PEAK1: variants seen among roughly 807,000 people sequenced by gnomAD.
PEAK1 encodes inactive tyrosine-protein kinase PEAK1.
PEAK1 carries 54 observed loss-of-function variants against 124.7 expected under a neutral mutation model. The ratio of observed to expected loss-of-function variants is 0.43; its 90% CI spans 0.35 to 0.54. PEAK1 has a LOEUF of 0.54. Among genes scored for constraint, PEAK1 ranks in the 20% least tolerant of loss-of-function variants. The pLI is 0.01. For synonymous variants in PEAK1, 719 were observed against 760.0 expected (o/e 0.95, Z 0.89); for missense variants, 2,046 against 2,134.5 (o/e 0.96, Z 0.82).
Position 77,108,899 on chromosome 15 carries a change from G to A in PEAK1, c.*5257C>T, listed in dbSNP as rs1462702943. On this transcript the variant is annotated 3_prime_UTR_variant, in exon 10 of 10. Transcript: ENST00000682557. Reference sequence around the variant, plus strand: ...TTTCTGGAGTGGGAAACATGTAATGGGATGTTGGGAATGCAGGCCCTTGCA... The same window carrying A: ...TTTCTGGAGTGGGAAACATGTAATGAGATGTTGGGAATGCAGGCCCTTGCA... 1 of 152,108 alleles carries A rather than the reference G, an allele frequency of 6.6e-6. No individual in the cohort carries two copies. Among genetic ancestry groups the A allele is most frequent in the African/African-American group, 2.4e-5 (1 of 41,402 alleles). 9.4% of individuals were successfully genotyped at this position (152,108 alleles called of 1,614,324 possible).
At chr15:77,186,583 C>A (rs2057560632) in intron 6 of PEAK1, among the ~76,000 whole-genome samples, 1 of 152,010 alleles carries the variant, frequency 6.6e-6, no homozygotes, top group Non-Finnish European at 1.5e-5. Context: ...TGTAACAAAC[C>A]TGCACATTGT....
At chr15:77,118,298 G>T (rs908476966) in intron 9 of PEAK1, among the ~76,000 whole-genome samples, 3 of 152,058 alleles carry the variant, frequency 2.0e-5, no homozygotes, top group African/African-American at 7.2e-5. Flanking sequence ...ATAGGATTTT[G>T]CTTGATGGGT....
Position 77,333,894 on chromosome 15 carries a change from C to T in PEAK1, c.-603+31269G>A, listed in dbSNP as rs981481459. ...ATTTTCTTTTAAACTTATTCTACAA[C>T]AATTTCAGACCAATTTTGTTAAATT... On this transcript the variant is annotated intron_variant, in intron 2 of 9. Coordinates refer to ENST00000682557, the MANE Select transcript of PEAK1 (RefSeq NM_001385026.1). The T allele has an allele frequency of 6.8e-6, 3 of 439,136 alleles. No individual in the cohort carries two copies. The South Asian group carries it at 2.9e-4, about 43-fold the overall frequency. The allele number at this position is 439,136 out of a possible 1,614,324, so 27.2% of individuals were successfully genotyped here.
At chr15:77,373,823 C>G (rs1392991303) in intron 1 of PEAK1, among the ~76,000 whole-genome samples, 1 of 152,200 alleles carries the variant, frequency 6.6e-6, no homozygotes, top group Non-Finnish European at 1.5e-5. Context: ...TAAATGAAGA[C>G]ATACCAGGTC....
At chr15:77,293,839 T>C (rs1210691042) in intron 2 of PEAK1, among the ~76,000 whole-genome samples, 2 of 152,204 alleles carry the variant, frequency 1.3e-5, no homozygotes, top group Non-Finnish European at 2.9e-5. Context: ...CTCTGATTTA[T>C]GTATGACTTT....
chr15:77,288,844 G>C (rs2063061817), intron 2 of PEAK1, among the ~76,000 whole-genome samples: 1 of 151,612 alleles, frequency 6.6e-6, no homozygotes, highest in South Asian at 2.1e-4. Flanking sequence ...CAGGAGAATG[G>C]CGTGAAACCA....
At chr15:77,257,660 T>C (rs1310607233) in intron 5 of PEAK1, among the ~76,000 whole-genome samples, 2 of 151,910 alleles carry the variant, frequency 1.3e-5, no homozygotes, top group Non-Finnish European at 2.9e-5. Flanking sequence ...GCAAAAATTC[T>C]CTCCCATTTT....
intron 2 of PEAK1, among the ~76,000 whole-genome samples, chr15:77,288,919 C>T (rs1051502751): frequency 7.5e-6 from 1 of 132,524 alleles, no homozygotes; most frequent in South Asian, 2.4e-4. Context: ...CAAAGCAAGA[C>T]TCCGTCTCAA....
At position 77,207,052 on chromosome 15, in the gene PEAK1, G is replaced by A. The variant is rs541899036; in HGVS notation, c.-114-25012C>T. 9.3e-4 allele frequency among the ~76,000 whole-genome samples: 142 copies of A among 152,208 alleles called. No individual in the cohort carries two copies. In the Middle Eastern group the frequency reaches 0.027, roughly 29 times the overall value. ...TTTAATAAATGGTGCTGGGAAAACT[G>A]GCTAGCCATAGGTAGAAAGCTGAAA... On this transcript the variant is annotated intron_variant, in intron 6 of 9. Coordinates refer to ENST00000682557, the MANE Select transcript of PEAK1 (RefSeq NM_001385026.1).
At chr15:77,185,487 G>C (rs889916179) in intron 6 of PEAK1, among the ~76,000 whole-genome samples, 3 of 152,212 alleles carry the variant, frequency 2.0e-5, no homozygotes, top group Non-Finnish European at 2.9e-5. Flanking sequence ...GAAGGAGAAA[G>C]ACAATAACTA....
At chr15:77,196,666 T>C (rs1052891716) in intron 6 of PEAK1, among the ~76,000 whole-genome samples, 2 of 152,152 alleles carry the variant, frequency 1.3e-5, no homozygotes, top group East Asian at 3.9e-4. Context: ...TGTTAGTGTT[T>C]TCCCCCAGAT....
At chr15:77,249,970 CA>C (rs1229948868) in intron 6 of PEAK1, among the ~76,000 whole-genome samples, 1 of 150,998 alleles carries the variant, frequency 6.6e-6, no homozygotes, top group Non-Finnish European at 1.5e-5. Flanking sequence ...CTTTCTTCAA[CA>C]AAAAAAATTT....
At chr15:77,318,394 C>T (rs1031694071) in intron 2 of PEAK1, among the ~76,000 whole-genome samples, 6 of 152,186 alleles carry the variant, frequency 3.9e-5, no homozygotes, top group Admixed American at 6.5e-5. Flanking sequence ...GGATAAATGA[C>T]ACAAAAACCT....
Position 77,111,599 on chromosome 15 carries a change from A to T in PEAK1, c.*2557T>A, listed in dbSNP as rs1006891872. 1.3e-5 allele frequency: 2 copies of T among 152,196 alleles called. No individual in the cohort carries two copies. Among genetic ancestry groups the T allele is most frequent in the African/African-American group, 4.8e-5 (2 of 41,462 alleles). The allele number at this position is 152,196 out of a possible 1,614,324, so 9.4% of individuals were successfully genotyped here. On this transcript the variant is annotated 3_prime_UTR_variant, in exon 10 of 10. Coordinates refer to ENST00000682557, the MANE Select transcript of PEAK1 (RefSeq NM_001385026.1). The stretch of plus-strand genomic sequence containing the variant: ...CAAATCTGAATATAAAAACAGTACT[A>T]AAAACATCTGATATGAAGAGGTGCT...
chr15:77,300,334 T>G (rs1344406533), intron 2 of PEAK1, among the ~76,000 whole-genome samples: 1 of 152,266 alleles, frequency 6.6e-6, no homozygotes, highest in South Asian at 2.1e-4. Flanking sequence ...AGAGGAGTAC[T>G]GTTAGTAGGC....
Position 77,180,735 on chromosome 15 carries a change from C to A in PEAK1, c.1192G>T (p.Asp398Tyr), listed in dbSNP as rs769083849. 5.6e-6 allele frequency: 9 copies of A among 1,614,078 alleles called. No homozygotes were observed. In the South Asian group the frequency reaches 8.8e-5, roughly 16 times the overall value. ...ESPSSNNQDKDSSQASKSSIK... is the reference protein window; with the variant it reads ...ESPSSNNQDKYSSQASKSSIK... ...GAGCTTTTGGAAGCCTGTGATGAAT[C>A]TTTATCCTGATTATTACTAGAGGGA... Residue 398 changes from aspartate (D) to tyrosine (Y), a missense_variant, in exon 7 of 10, where the codon GAT (aspartate) becomes TAT (tyrosine). Coordinates refer to ENST00000682557, the MANE Select transcript of PEAK1 (RefSeq NM_001385026.1).
chr15:77,208,589 T>C (rs552448670), intron 6 of PEAK1, among the ~76,000 whole-genome samples: 2 of 152,278 alleles, frequency 1.3e-5, no homozygotes, highest in East Asian at 3.9e-4. Flanking sequence ...ATGCTTACAT[T>C]AACTAGAAGA....
At chr15:77,384,405 A>C (rs2069749721) in intron 1 of PEAK1, among the ~76,000 whole-genome samples, 1 of 152,202 alleles carries the variant, frequency 6.6e-6, no homozygotes, top group Non-Finnish European at 1.5e-5. Flanking sequence ...TAACTACTTA[A>C]GTATTGAGTA....
chr15:77,311,157 T>G (rs1394067142), intron 2 of PEAK1, among the ~76,000 whole-genome samples: 1 of 152,156 alleles, frequency 6.6e-6, no homozygotes, highest in Non-Finnish European at 1.5e-5. Flanking sequence ...GTGGTGGTAA[T>G]GAAGACGGAA....
Sources: allele counts gnomAD v4.1 joint callset (sites outside exome capture counted in the v4.1 genomes callset), GRCh38; gene constraint gnomAD v4.1.1; transcripts MANE v1.5; gene names NCBI Gene and HGNC (gene_info 2026-07-23, HGNC 2026-07-21).